Variants in SUGP2 observed in about 807,000 individuals in gnomAD.
The protein encoded by SUGP2 is SURP and G-patch domain containing 2.
A neutral mutation model predicts 90.5 loss-of-function variants in SUGP2; 24 were observed. The ratio of observed to expected loss-of-function variants is 0.27; its 90% CI spans 0.19 to 0.37. The LOEUF is 0.37. SUGP2 is among the 10% of genes least tolerant of loss of function. The probability of loss-of-function intolerance (pLI) is 1.00; values close to 1 mark genes in which losing one functional copy is unlikely to be tolerated. For synonymous variants in SUGP2, 473 were observed against 513.4 expected (o/e 0.92, Z 1.06); for missense variants, 1,233 against 1,363.3 (o/e 0.90, Z 1.51).
chr19:19,033,581 TG>T, upstream of SUGP2: 1 of 1,201,498 alleles, frequency 8.3e-7, no homozygotes, highest in Non-Finnish European at 1.0e-6. Context: ...CGCCGAGTCC[TG>T]GTGCGCAGGC....
intron 5 of SUGP2, 82 bp downstream of exon 5, chr19:19,009,773 G>A (rs2058231722): frequency 1.3e-6 from 2 of 1,493,232 alleles, no homozygotes; most frequent in Admixed American, 2.2e-5. Flanking sequence ...TAGATTGCAG[G>A]CCCCCCCAAT....
Position 19,010,272 on chromosome 19 carries a change from T to G in SUGP2, c.1921A>C (p.Ser641Arg). ...TGGTCGGCTCCTCGCAAGTTCTCGC[T>G]CATCCGCTGCATTTCTGCCAACTTC... ...KLKLAEMQRM[S>R]ENLRGADQKP... The change falls in exon 5 of 11, where the codon AGC becomes CGC. Residue 641 changes from serine to arginine, a missense_variant. Physicochemically the swap from Ser to Arg is moderately radical, Grantham distance 110 (BLOSUM62 -1). This residue lies in a region of SUGP2 where 540 missense variants were observed against 542.6 expected (regional missense o/e 1.00). Coordinates refer to ENST00000452918, the MANE Select transcript of SUGP2 (RefSeq NM_001017392.5). 1 of 1,614,106 alleles carries G rather than the reference T, an allele frequency of 6.2e-7. No homozygotes were observed. The highest frequency in any genetic ancestry group is 8.5e-7 in the Non-Finnish European group (1 of 1,180,044).
intron 2 of SUGP2, among the ~76,000 whole-genome samples, chr19:19,029,817 C>T (rs1054220056): frequency 6.6e-6 from 1 of 151,934 alleles, no homozygotes; most frequent in African/African-American, 2.4e-5. Context: ...GTGGCAGGCA[C>T]CTGTAATCTC....
Position 19,001,650 on chromosome 19 carries a change from T to C in SUGP2, c.2954A>G (p.Tyr985Cys). The C allele has an allele frequency of 1.2e-6, 2 of 1,614,240 alleles. No homozygotes were observed. Among genetic ancestry groups the C allele is most frequent in the South Asian group, 1.1e-5 (1 of 91,084 alleles). ...CATGGGACGACCCCGAGGCCTGTCA[T>C]AGGCAATTCGAACTGGTTCATGGAC... is the stretch of plus-strand genomic sequence containing the variant. ...PKVHEPVRIA[Y>C]DRPRGRPMSK... Residue 985 changes from tyrosine to cysteine, a missense_variant, in exon 8 of 11, where the codon TAT (tyrosine) becomes TGT (cysteine). Tyr to Cys is a radical substitution (Grantham distance 194). Around this residue, in one of 8 missense-constraint regions of SUGP2, gnomAD observed 105 missense variants for 155.2 expected, o/e 0.68. Transcript: ENST00000452918.
chr19:19,017,023 A>T (rs538179766), intron 4 of SUGP2, among the ~76,000 whole-genome samples: 49 of 152,204 alleles, frequency 3.2e-4, no homozygotes, highest in Non-Finnish European at 6.3e-4. Context: ...ATGGAAATGT[A>T]TGCCTTTCAA....
intron 3 of SUGP2, among the ~76,000 whole-genome samples, chr19:19,022,268 G>A (rs1051081577): frequency 2.0e-5 from 3 of 152,216 alleles, no homozygotes; most frequent in African/African-American, 7.2e-5. Flanking sequence ...ACAGGCATGA[G>A]CCACTGCGCC....
intron 8 of SUGP2, among the ~76,000 whole-genome samples, chr19:19,001,248 C>T (rs1485613072): frequency 6.6e-6 from 1 of 152,064 alleles, no homozygotes; most frequent in African/African-American, 2.4e-5. Context: ...ATCTCCTGAC[C>T]TTGTGATCCA....
rs1448554398 is a variant in SUGP2 at position 19,025,800 on chromosome 19, C to T, written c.548G>A (p.Cys183Tyr). The T allele has an allele frequency of 2.5e-6, 4 of 1,614,102 alleles. No individual in the cohort carries two copies. Among genetic ancestry groups the T allele is most frequent in the Non-Finnish European group, 3.4e-6 (4 of 1,180,020 alleles). ...FGSSRLIEKE[C>Y]LEKESRDYDV... ...ATAATCCCGACTCTCCTTCTCCAAA[C>T]ACTCTTTCTCAATCAGCCTGGAAGA... The change falls in exon 3 of 11, where the codon TGT becomes TAT. Residue 183 changes from cysteine (C) to tyrosine (Y), a missense_variant. Coordinates refer to ENST00000452918, the MANE Select transcript of SUGP2 (RefSeq NM_001017392.5).
intron 5 of SUGP2, 130 bp downstream of exon 5, chr19:19,009,725 C>T: frequency 8.1e-7 from 1 of 1,229,904 alleles, no homozygotes; most frequent in East Asian, 2.4e-5. Context: ...TACACTTGTC[C>T]TGGCCAGGTC....
At position 18,995,817 on chromosome 19, in the gene SUGP2, T is replaced by C. The variant is rs150668439; in HGVS notation, c.2992-537A>G. ...TCTGTCTGTCCTCAGGACTGAGTTC[T>C]ACTTGGACATTGGGGTCTGTGTCTA... On this transcript the variant is annotated intron_variant, in intron 8 of 10. Transcript: ENST00000452918. Among the ~76,000 whole-genome samples, 5 of 152,310 alleles carry C rather than the reference T, an allele frequency of 3.3e-5. No homozygotes were observed. In the East Asian group the frequency reaches 9.6e-4, roughly 29 times the overall value.
chr19:19,004,239 A>G lies in SUGP2; in HGVS notation c.2858T>C (p.Ile953Thr). The change falls in exon 7 of 11, where the codon ATC becomes ACC. Residue 953 changes from isoleucine (I) to threonine (T), a missense_variant. Physicochemically the swap from Ile to Thr is moderately conservative, Grantham distance 89 (BLOSUM62 -1). Coordinates refer to ENST00000452918, the MANE Select transcript of SUGP2 (RefSeq NM_001017392.5). ...GCCAACCTTCAATGACTTGCTGCTG[A>G]TCCTCTTCCGAGGGAAGCAGGTACC... ...SSGTCFPRKR[I>T]SSKSLKVGMI... is the part of the protein sequence containing the mutation. 1 of 1,610,298 alleles carries G rather than the reference A, an allele frequency of 6.2e-7. No homozygotes were observed. The highest frequency in any genetic ancestry group is 1.1e-5 in the South Asian group (1 of 90,784).
intron 3 of SUGP2, among the ~76,000 whole-genome samples, chr19:19,022,318 G>A (rs2058758503): frequency 6.6e-6 from 1 of 152,182 alleles, no homozygotes; most frequent in African/African-American, 2.4e-5. Context: ...ATAAGCAGCG[G>A]TGGGGCAGCC....
intron 4 of SUGP2, among the ~76,000 whole-genome samples, chr19:19,012,371 A>C (rs2058342133): frequency 6.6e-6 from 1 of 152,242 alleles, no homozygotes; most frequent in African/African-American, 2.4e-5. Flanking sequence ...TGACTGCCCC[A>C]GTCACTCATG....
intron 6 of SUGP2, 108 bp downstream of exon 6, chr19:19,008,209 C>G: frequency 1.1e-6 from 1 of 932,634 alleles, no homozygotes; most frequent in African/African-American, 1.6e-5. Context: ...GAGGCTGAAA[C>G]AGGAGGATCA....
At position 19,026,217 on chromosome 19, in the gene SUGP2, C is replaced by G; in HGVS notation, c.131G>C (p.Arg44Thr). Reference sequence around the variant, plus strand: ...CTCTGCTCTGGATCTTGGGACTGCCCTTAAGAGATCTGAAATAAACCATCC... The same window carrying G: ...CTCTGCTCTGGATCTTGGGACTGCCGTTAAGAGATCTGAAATAAACCATCC... ...TLQFKAQDLL[R>T]AVPRSRAEMY... Residue 44 changes from arginine to threonine, a missense_variant, in exon 3 of 11, where the codon AGG (arginine) becomes ACG (threonine). This residue lies in a region of SUGP2 where 418 missense variants were observed against 399.9 expected (regional missense o/e 1.05). Coordinates refer to ENST00000452918, the MANE Select transcript of SUGP2 (RefSeq NM_001017392.5). 6.4e-7 allele frequency: 1 copy of G among 1,564,042 alleles called. No individual in the cohort carries two copies. The highest frequency in any genetic ancestry group is 8.6e-7 in the Non-Finnish European group (1 of 1,159,894).
rs752196086 is a variant in SUGP2 at position 19,026,010 on chromosome 19, A to T, written c.338T>A (p.Phe113Tyr). Reference sequence around the variant, plus strand: ...CTGGTCCCGAGAATCAGAGTGAGAAAATTCCAGATCCCGGCCACATTCTTT... The same window carrying T: ...CTGGTCCCGAGAATCAGAGTGAGAATATTCCAGATCCCGGCCACATTCTTT... Reference protein sequence around the residue: ...FRKECGRDLEFSHSDSRDQVI... With the variant: ...FRKECGRDLEYSHSDSRDQVI... The change falls in exon 3 of 11, where the codon TTT becomes TAT. Residue 113 changes from phenylalanine (F) to tyrosine (Y), a missense_variant. Coordinates refer to ENST00000452918, the MANE Select transcript of SUGP2 (RefSeq NM_001017392.5). 1 of 1,614,130 alleles carries T rather than the reference A, an allele frequency of 6.2e-7. No homozygotes were observed. The highest frequency in any genetic ancestry group is 8.5e-7 in the Non-Finnish European group (1 of 1,180,028).
In SUGP2 at chr19:19,003,097, G is replaced by A. The variant is rs140673875; in HGVS notation, c.2929+1071C>T. On this transcript the variant is annotated intron_variant, in intron 7 of 10. Transcript: ENST00000452918. Reference sequence around the variant, plus strand: ...GCTGGGATTACAGGCACGAGCCACTGCGCCTGGCCCCATGAGAAGTTTTGA... The same window carrying A: ...GCTGGGATTACAGGCACGAGCCACTACGCCTGGCCCCATGAGAAGTTTTGA... Among the ~76,000 whole-genome samples, 145 of 152,240 alleles carry A rather than the reference G, an allele frequency of 9.5e-4. 1 individual carries two copies. The Middle Eastern group carries it at 0.02, about 21-fold the overall frequency.
Position 19,010,796 on chromosome 19 carries a change from A to G in SUGP2, c.1851-454T>C, listed in dbSNP as rs536925219. 2.0e-5 allele frequency among the ~76,000 whole-genome samples: 3 copies of G among 152,302 alleles called. No homozygotes were observed. The South Asian group carries it at 6.2e-4, about 32-fold the overall frequency. On this transcript the variant is annotated intron_variant, in intron 4 of 10. Coordinates refer to ENST00000452918, the MANE Select transcript of SUGP2 (RefSeq NM_001017392.5). ...GCCCAGGTGTGAAATCTTATGACCC[A>G]GTCATCATGATGAGAACAGTAAAGA...
rs61999285 is a variant in SUGP2 at position 19,024,992 on chromosome 19, T to C, written c.1356A>G (p.Leu452=). ...TACTGAGGGTCTTCATCTTGACACT[T>C]AGCTCGTAGGCATTGCAGGCCATAA... ...PLLMACNAYE[L]SVKMKTLSNP... is the part of the protein sequence containing the mutation. Residue 452 remains leucine (L), a synonymous_variant, in exon 3 of 11, where the codon CTA becomes CTG. Transcript: ENST00000452918. 5,881 of 1,614,174 alleles carry C rather than the reference T, an allele frequency of 3.6e-3. 204 individuals carry two copies. In the African/African-American group the frequency reaches 0.07, roughly 19 times the overall value.
Sources: gnomAD v4.1 joint callset for allele counts (sites outside exome capture counted in the v4.1 genomes callset) on GRCh38, gnomAD v4.1.1 for gene constraint, gnomAD v4.1.1 regional missense constraint, MANE v1.5 for transcripts, NCBI Gene and HGNC (gene_info 2026-07-23, HGNC 2026-07-21) for gene names.